ZFHX3: variants seen among roughly 807,000 people sequenced by gnomAD.
ZFHX3 encodes zinc finger homeobox 3.
A neutral mutation model predicts 279.1 loss-of-function variants in ZFHX3; 42 were observed. The observed-to-expected ratio is 0.15, with a 90% CI of 0.12 to 0.19. The LOEUF (loss-of-function observed/expected upper bound fraction) is 0.19, where lower values mean the gene tolerates loss of function less well. ZFHX3 is among the 10% of genes least tolerant of loss of function. The pLI, the probability that ZFHX3 is intolerant of heterozygous loss-of-function variation, is 1.00. For missense variants in ZFHX3, 4,981 were observed against 4,754.0 expected, an observed-to-expected ratio of 1.05 and a Z score of -1.40; for synonymous variants, 2,293 against 1,957.8, an observed-to-expected ratio of 1.17 and a Z score of -4.52.
intron 4 of ZFHX3, among the ~76,000 whole-genome samples, chr16:73,274,413 T>C (rs1335775135): frequency 1.3e-5 from 2 of 152,272 alleles, no homozygotes; most frequent in African/African-American, 4.8e-5. Flanking sequence ...TCTTTATCTT[T>C]GTTTTAGAAA....
At chr16:73,305,081 A>T (rs115537647) in intron 4 of ZFHX3, among the ~76,000 whole-genome samples, 19,604 of 152,080 alleles carry the variant, frequency 0.13, 1,483 homozygotes, top group Middle Eastern at 0.21. Flanking sequence ...AAAAAATTAA[A>T]AAAAAAAGCA....
chr16:73,693,474 A>G (rs1202054476), intron 1 of ZFHX3, among the ~76,000 whole-genome samples: 1 of 152,104 alleles, frequency 6.6e-6, no homozygotes, highest in East Asian at 1.9e-4. Flanking sequence ...CTGCACCGAG[A>G]AGTGTTCCCG....
chr16:73,831,994 G>A (rs1023075218), intron 1 of ZFHX3, among the ~76,000 whole-genome samples: 6 of 152,154 alleles, frequency 3.9e-5, no homozygotes, highest in South Asian at 2.1e-4. Context: ...TCTGCCGCCC[G>A]GGTTCCAGGG....
chr16:73,340,790 A>AGAGCT (rs370646553), intron 3 of ZFHX3, among the ~76,000 whole-genome samples: 42 of 152,348 alleles, frequency 2.8e-4, no homozygotes, highest in Middle Eastern at 3.4e-3. Flanking sequence ...AGTGGATCAA[A>AGAGCT]GAGCTACATG....
intron 1 of ZFHX3, among the ~76,000 whole-genome samples, chr16:73,781,520 C>T (rs551588824): frequency 6.6e-6 from 1 of 152,312 alleles, no homozygotes; most frequent in African/African-American, 2.4e-5. Flanking sequence ...ATGGCTGTCT[C>T]ACACTACAGT....
intron 3 of ZFHX3, among the ~76,000 whole-genome samples, chr16:73,453,557 T>C (rs2018316819): frequency 6.6e-6 from 1 of 152,168 alleles, no homozygotes; most frequent in Non-Finnish European, 1.5e-5. Context: ...GTTTTAACCA[T>C]CCTGGCCCAG....
chr16:72,949,228 T>G (rs55709556), intron 3 of ZFHX3, among the ~76,000 whole-genome samples: 61,031 of 152,076 alleles, frequency 0.4, 12,551 homozygotes, highest in Middle Eastern at 0.49. Flanking sequence ...TTAAAATCAT[T>G]CTGAGTAGAG....
chr16:73,557,296 C>T (rs1362350365), intron 2 of ZFHX3, among the ~76,000 whole-genome samples: 1 of 151,996 alleles, frequency 6.6e-6, no homozygotes, highest in Admixed American at 6.6e-5. Flanking sequence ...GGAAAATAAA[C>T]AATCTGTTAG....
intron 2 of ZFHX3, among the ~76,000 whole-genome samples, chr16:73,584,859 C>A (rs143083628): frequency 0.017 from 2,660 of 152,198 alleles, 85 homozygotes; most frequent in East Asian, 0.1. Flanking sequence ...GGCTAATATC[C>A]AGAATCTACA....
At chr16:73,227,228 C>T (rs1476953634) in intron 5 of ZFHX3, among the ~76,000 whole-genome samples, 1 of 152,136 alleles carries the variant, frequency 6.6e-6, no homozygotes, top group African/African-American at 2.4e-5. Context: ...AAAGTTTTGA[C>T]AATATTCTTT....
At chr16:73,808,853 G>T (rs1478321008) in intron 1 of ZFHX3, among the ~76,000 whole-genome samples, 1 of 152,160 alleles carries the variant, frequency 6.6e-6, no homozygotes, top group Admixed American at 6.5e-5. Context: ...AGCATTCTGA[G>T]CAGCCTTAGG....
At chr16:72,804,510 C>T (rs1479790608) in intron 7 of ZFHX3, among the ~76,000 whole-genome samples, 2 of 152,164 alleles carry the variant, frequency 1.3e-5, no homozygotes, top group Non-Finnish European at 2.9e-5. Flanking sequence ...AAGTGAACTG[C>T]CCTTGATCTA....
chr16:73,806,251 G>A (rs1418869820), intron 1 of ZFHX3, among the ~76,000 whole-genome samples: 1 of 152,200 alleles, frequency 6.6e-6, no homozygotes, highest in Non-Finnish European at 1.5e-5. Flanking sequence ...GGGACACAGA[G>A]CCAAACCATA....
intron 2 of ZFHX3, among the ~76,000 whole-genome samples, chr16:73,500,996 C>T (rs1247005136): frequency 1.3e-5 from 2 of 152,252 alleles, no homozygotes; most frequent in African/African-American, 4.8e-5. Flanking sequence ...GAGCAACTTC[C>T]ATTCCTGCAA....
chr16:73,271,051 C>T (rs1157155622), intron 4 of ZFHX3, among the ~76,000 whole-genome samples: 1 of 152,188 alleles, frequency 6.6e-6, no homozygotes, highest in Non-Finnish European at 1.5e-5. Context: ...GGATCTGCCC[C>T]TGCTGGATGT....
chr16:72,875,692 T>A (rs2038291092), intron 4 of ZFHX3, among the ~76,000 whole-genome samples: 1 of 152,244 alleles, frequency 6.6e-6, no homozygotes, highest in Non-Finnish European at 1.5e-5. Flanking sequence ...AACTGCCACG[T>A]TAAGTCAGGT....
chr16:73,469,625 A>ATTTT lies in ZFHX3; in HGVS notation c.-1546-13368_-1546-13367insAAAA, dbSNP rs201421708. On this transcript the variant is annotated intron_variant, in intron 2 of 17. Coordinates refer to the ZFHX3 transcript ENST00000641206. ...TAGTCCCAACCTCCAATATATATATATATTTTTTTTGAGACAGAATCTCAC... is the reference window on the plus strand; with the variant it reads ...TAGTCCCAACCTCCAATATATATATATTTTTATTTTTTTTGAGACAGAATCTCAC... 4.0e-5 allele frequency among the ~76,000 whole-genome samples: 6 copies of ATTTT among 151,142 alleles called. No homozygotes were observed. In the East Asian group the frequency reaches 7.9e-4, roughly 20 times the overall value.
At chr16:73,559,044 T>TTGTGTG (rs375638006) in intron 2 of ZFHX3, among the ~76,000 whole-genome samples, 39 of 149,482 alleles carry the variant, frequency 2.6e-4, no homozygotes, top group Non-Finnish European at 4.6e-4. Flanking sequence ...ACTCCTCTTT[T>TTGTGTG]TGTGTGTGTG....
chr16:73,807,476 C>G (rs1346961389), intron 1 of ZFHX3, among the ~76,000 whole-genome samples: 1 of 152,074 alleles, frequency 6.6e-6, no homozygotes, highest in Non-Finnish European at 1.5e-5. Flanking sequence ...TAAAAATGAT[C>G]CATGGTCTTG....
Sources: allele counts gnomAD v4.1 joint callset (sites outside exome capture counted in the v4.1 genomes callset), GRCh38; gene constraint gnomAD v4.1.1; transcripts MANE v1.5; gene names NCBI Gene and HGNC (gene_info 2026-07-23, HGNC 2026-07-21).